The following TMEFF2 variants were observed in gnomAD, a reference collection of about 807,000 sequenced individuals.
The protein encoded by TMEFF2 is transmembrane protein with EGF like and two follistatin like domains 2.
A neutral mutation model predicts 53.8 loss-of-function variants in TMEFF2; 28 were observed. The observed-to-expected ratio is 0.52, with a 90% CI of 0.39 to 0.71. The LOEUF (loss-of-function observed/expected upper bound fraction) is 0.71, where lower values mean the gene tolerates loss of function less well. Among genes scored for constraint, TMEFF2 ranks in the 30% least tolerant of loss-of-function variants. TMEFF2 has a pLI of 0.00. For missense variants in TMEFF2, 353 were observed against 455.2 expected (o/e 0.78, Z 2.04); for synonymous variants, 162 against 166.3 (o/e 0.97, Z 0.20).
At chr2:192,096,268 T>G (rs189850196) in intron 4 of TMEFF2, among the ~76,000 whole-genome samples, 3 of 152,318 alleles carry the variant, frequency 2.0e-5, no homozygotes, top group Admixed American at 6.5e-5. Context: ...AAAGAGATTT[T>G]CAACTGAATT....
At chr2:192,042,900 T>A (rs1296651824) in intron 5 of TMEFF2, among the ~76,000 whole-genome samples, 2 of 152,210 alleles carry the variant, frequency 1.3e-5, no homozygotes, top group African/African-American at 4.8e-5. Context: ...CTTCTACCCA[T>A]ATTGTTAGAA....
At chr2:191,955,886 G>A (rs1362306001) in intron 8 of TMEFF2, among the ~76,000 whole-genome samples, 1 of 152,014 alleles carries the variant, frequency 6.6e-6, no homozygotes, top group Non-Finnish European at 1.5e-5. Context: ...TATACATAAG[G>A]CTTCATCCAT....
chr2:192,029,470 T>A (rs552228985), intron 5 of TMEFF2: 1 of 152,330 alleles, frequency 6.6e-6, no homozygotes, highest in South Asian at 2.1e-4. Flanking sequence ...AAGGAATACA[T>A]TGAGATTCAG....
intron 4 of TMEFF2, among the ~76,000 whole-genome samples, chr2:192,072,715 T>G (rs1439073843): frequency 6.6e-6 from 1 of 152,032 alleles, no homozygotes; most frequent in Non-Finnish European, 1.5e-5. Flanking sequence ...GCTTTCTCTT[T>G]GTGTATCTGA....
At chr2:192,124,095 C>G (rs1365710630) in intron 4 of TMEFF2, among the ~76,000 whole-genome samples, 2 of 152,222 alleles carry the variant, frequency 1.3e-5, no homozygotes, top group East Asian at 1.9e-4. Flanking sequence ...GCACCTTTCA[C>G]TCTTTCCTAA....
chr2:191,962,352 C>CA (rs1258704813), intron 7 of TMEFF2, among the ~76,000 whole-genome samples: 4 of 152,132 alleles, frequency 2.6e-5, no homozygotes, highest in African/African-American at 9.7e-5. Flanking sequence ...TCGTTGCTTG[C>CA]ATATGCTATA....
At chr2:192,181,088 T>A (rs1415540878) in intron 3 of TMEFF2, among the ~76,000 whole-genome samples, 1 of 151,740 alleles carries the variant, frequency 6.6e-6, no homozygotes, top group East Asian at 1.9e-4. Context: ...GAATTGACTG[T>A]TTAATGATAA....
chr2:192,072,776 C>A (rs1688321090), intron 4 of TMEFF2, among the ~76,000 whole-genome samples: 1 of 151,910 alleles, frequency 6.6e-6, no homozygotes, highest in Non-Finnish European at 1.5e-5. Flanking sequence ...GTATTGACAG[C>A]ATTTTTAAAT....
chr2:192,079,195 AAT>A (rs1201363929), intron 4 of TMEFF2, among the ~76,000 whole-genome samples: 1 of 152,216 alleles, frequency 6.6e-6, no homozygotes, highest in Non-Finnish European at 1.5e-5. Context: ...ATTTTTGCCC[AAT>A]ATGAGACTTC....
At chr2:192,025,675 G>A (rs578067763) in intron 5 of TMEFF2, among the ~76,000 whole-genome samples, 3 of 152,116 alleles carry the variant, frequency 2.0e-5, no homozygotes, top group South Asian at 2.1e-4. Flanking sequence ...TTGATTTTTC[G>A]GCATATGTCT....
intron 4 of TMEFF2, among the ~76,000 whole-genome samples, chr2:192,067,761 C>T (rs1434065059): frequency 6.6e-6 from 1 of 151,800 alleles, no homozygotes; most frequent in Non-Finnish European, 1.5e-5. Flanking sequence ...TAACTTTAAC[C>T]TACTAAAAAT....
Position 191,953,667 on chromosome 2 carries a change from G to A in TMEFF2, c.1028+12C>T. On this transcript the variant is annotated intron_variant, in intron 9 of 9. Coordinates refer to ENST00000272771, the MANE Select transcript of TMEFF2 (RefSeq NM_016192.4). ...CCCTTTATTTGGGTAGCCACCAAGT[G>A]CTGTTACTGACCTTGTGATGCAGAG... 1.2e-6 allele frequency: 2 copies of A among 1,612,264 alleles called. No homozygotes were observed. Among genetic ancestry groups the A allele is most frequent in the Non-Finnish European group, 1.7e-6 (2 of 1,179,072 alleles).
At chr2:192,072,344 G>C (rs1688310318) in intron 4 of TMEFF2, among the ~76,000 whole-genome samples, 1 of 151,848 alleles carries the variant, frequency 6.6e-6, no homozygotes, top group Non-Finnish European at 1.5e-5. Context: ...TATTTTAAAA[G>C]CTACATTCAC....
At chr2:192,009,068 G>C (rs1487380021) in intron 5 of TMEFF2, among the ~76,000 whole-genome samples, 1 of 152,186 alleles carries the variant, frequency 6.6e-6, no homozygotes, top group East Asian at 1.9e-4. Flanking sequence ...TTTGGCTTAT[G>C]TTTGTTTATC....
At position 191,962,024 on chromosome 2, in the gene TMEFF2, CAATT is replaced by C. The variant is rs1346651485; in HGVS notation, c.746-5650_746-5647del. Among the ~76,000 whole-genome samples the C allele has an allele frequency of 6.6e-5, 10 of 152,282 alleles. No homozygotes were observed. In the East Asian group the frequency reaches 1.9e-3, roughly 29 times the overall value. On this transcript the variant is annotated intron_variant, in intron 7 of 9. Transcript: ENST00000272771. ...GACACAGAGAATTTAAGGATACAAT[CAATT>C]CTCAAGTTTTGTAAAGAGCAGAGAC...
chr2:192,104,896 T>C (rs1689109775), intron 4 of TMEFF2, among the ~76,000 whole-genome samples: 1 of 152,068 alleles, frequency 6.6e-6, no homozygotes, highest in Non-Finnish European at 1.5e-5. Flanking sequence ...AATCAGTTCT[T>C]TTCTTTTTAC....
intron 4 of TMEFF2, among the ~76,000 whole-genome samples, chr2:192,096,678 T>C (rs1437564099): frequency 9.4e-5 from 13 of 138,996 alleles, no homozygotes; most frequent in African/African-American, 3.5e-4. Context: ...CTCTTTTTTT[T>C]TTTTTTTTTT....
Position 191,953,951 on chromosome 2 carries a change from G to A in TMEFF2, c.870-114C>T, listed in dbSNP as rs1197826957. On this transcript the variant is annotated intron_variant, in intron 8 of 9. Transcript: ENST00000272771. ...GTCGCCCAGGCTGGAGTGCAGTGGC[G>A]CATCTCGGCTCACTGCAAGTTCCGC... is the stretch of plus-strand genomic sequence containing the variant. The A allele has an allele frequency of 5.7e-5, 52 of 904,584 alleles. No homozygotes were observed. The East Asian group carries it at 9.8e-4, about 17-fold the overall frequency. The allele number at this position is 904,584 out of a possible 1,614,324, so 56.0% of individuals were successfully genotyped here. A position where few individuals can be genotyped will look rare whatever the true frequency, so the allele number is the denominator to read the frequency against.
chr2:192,100,390 C>A (rs907736983), intron 4 of TMEFF2, among the ~76,000 whole-genome samples: 1 of 152,062 alleles, frequency 6.6e-6, no homozygotes, highest in Non-Finnish European at 1.5e-5. Context: ...TCACTGTGAC[C>A]GAAGTCTTCT....
Sources: gnomAD v4.1 joint callset for allele counts (sites outside exome capture counted in the v4.1 genomes callset) on GRCh38, gnomAD v4.1.1 for gene constraint, MANE v1.5 for transcripts, NCBI Gene and HGNC (gene_info 2026-07-23, HGNC 2026-07-21) for gene names.